IGF2BP1: variants seen among roughly 807,000 people sequenced by gnomAD.
The protein encoded by IGF2BP1 is insulin like growth factor 2 mRNA binding protein 1, also known as insulin-like growth factor 2 mRNA-binding protein 1.
In IGF2BP1, 11 loss-of-function variants were observed where a neutral mutation model predicts 74.9. The ratio of observed to expected loss-of-function variants is 0.15; its 90% CI spans 0.09 to 0.24. IGF2BP1 has a LOEUF of 0.24. Ranked by LOEUF, IGF2BP1 falls within the 10% of genes least tolerant of loss-of-function variation. IGF2BP1 has a pLI of 1.00. For missense variants in IGF2BP1, 440 were observed against 757.4 expected (o/e 0.58, Z 4.92); for synonymous variants, 287 against 281.8 (o/e 1.02, Z -0.18).
At chr17:49,026,353 C>A in intron 3 of IGF2BP1, 113 bp from the exon 4 acceptor site, 1 of 888,674 alleles carries the variant, frequency 1.1e-6, no homozygotes, top group Non-Finnish European at 1.9e-6. Flanking sequence ...TGCTCAAACA[C>A]TCCTATGGCT....
At chr17:49,043,123 C>T (rs561061138) in intron 9 of IGF2BP1, among the ~76,000 whole-genome samples, 61 of 152,252 alleles carry the variant, frequency 4.0e-4, no homozygotes, top group Non-Finnish European at 7.6e-4. Flanking sequence ...ATGGGTCTAT[C>T]GTCTGTCTCC....
chr17:49,025,029 T>G (rs2041834274), intron 2 of IGF2BP1, among the ~76,000 whole-genome samples: 1 of 152,026 alleles, frequency 6.6e-6, no homozygotes, highest in Non-Finnish European at 1.5e-5. Flanking sequence ...CTGTCTCTAC[T>G]GAAAATACAG....
At chr17:49,024,273 A>G (rs1300397399) in intron 2 of IGF2BP1, among the ~76,000 whole-genome samples, 1 of 151,860 alleles carries the variant, frequency 6.6e-6, no homozygotes, top group Non-Finnish European at 1.5e-5. Flanking sequence ...TTACCTGGGC[A>G]TAGTGGCATG....
At chr17:49,022,095 A>G (rs1344597673) in intron 2 of IGF2BP1, among the ~76,000 whole-genome samples, 1 of 152,162 alleles carries the variant, frequency 6.6e-6, no homozygotes, top group Non-Finnish European at 1.5e-5. Flanking sequence ...TTGTTTTATA[A>G]AAGCCTTATT....
At chr17:49,022,508 G>A (rs1392706983) in intron 2 of IGF2BP1, among the ~76,000 whole-genome samples, 1 of 152,120 alleles carries the variant, frequency 6.6e-6, no homozygotes, top group Non-Finnish European at 1.5e-5. Context: ...CCAGGGTGGG[G>A]TGTGTACCCT....
intron 9 of IGF2BP1, among the ~76,000 whole-genome samples, chr17:49,042,763 A>AC (rs1275179024): frequency 1.3e-5 from 2 of 151,670 alleles, no homozygotes; most frequent in Admixed American, 1.3e-4. Flanking sequence ...TGCAGCCTTG[A>AC]CCCCCTGGGC....
intron 2 of IGF2BP1, among the ~76,000 whole-genome samples, chr17:49,011,099 C>G (rs955198012): frequency 7.8e-6 from 1 of 127,704 alleles, no homozygotes; most frequent in African/African-American, 2.9e-5. Flanking sequence ...GATTGTGCCA[C>G]TGCACTCCAG....
chr17:49,013,462 G>A (rs1197350094), intron 2 of IGF2BP1: 1 of 152,502 alleles, frequency 6.6e-6, no homozygotes, highest in African/African-American at 2.4e-5. Context: ...GGTCTCTAAG[G>A]AATGCCGCCT....
At position 49,016,295 on chromosome 17, in the gene IGF2BP1, C is replaced by G. The variant is rs147484655; in HGVS notation, c.237-9323C>G. On this transcript the variant is annotated intron_variant, in intron 2 of 14. Coordinates refer to ENST00000290341, the MANE Select transcript of IGF2BP1 (RefSeq NM_006546.4). ...CTGTGAAATGAGGGTGACTGTTCAGCATCCTCTCAGGCTTCAGAGGCTTAC... is the reference window on the plus strand; with the variant it reads ...CTGTGAAATGAGGGTGACTGTTCAGGATCCTCTCAGGCTTCAGAGGCTTAC... Among the ~76,000 whole-genome samples the G allele has an allele frequency of 2.6e-5, 4 of 152,338 alleles. No individual in the cohort carries two copies. The East Asian group carries it at 7.7e-4, about 29-fold the overall frequency.
chr17:49,015,306 G>T (rs752925461), intron 2 of IGF2BP1, among the ~76,000 whole-genome samples: 11 of 152,194 alleles, frequency 7.2e-5, no homozygotes, highest in Non-Finnish European at 1.5e-4. Context: ...TCTGGAGAGA[G>T]GCTGGCATCT....
rs546144033 is a variant in IGF2BP1 at position 49,034,203 on chromosome 17, G to A, written c.401+2230G>A. Among the ~76,000 whole-genome samples the A allele has an allele frequency of 4.5e-4, 66 of 146,172 alleles. 1 individual carries two copies. In the Middle Eastern group the frequency reaches 0.014, roughly 31 times the overall value. ...CTCTTCACTGCAGCTTCCACCTCCC[G>A]GGTTCAAGTGGTTTTCCTGCCTCAG... On this transcript the variant is annotated intron_variant, in intron 5 of 14. Transcript: ENST00000290341.
In IGF2BP1 at chr17:49,055,890, G is replaced by A. The variant is rs995524439; in HGVS notation, c.*6446G>A. Among the ~76,000 whole-genome samples, 2 of 146,004 alleles carry A rather than the reference G, an allele frequency of 1.4e-5. No individual in the cohort carries two copies. Among genetic ancestry groups the A allele is most frequent in the African/African-American group, 2.6e-5 (1 of 38,788 alleles). On this transcript the variant is annotated 3_prime_UTR_variant, in exon 15 of 15. Transcript: ENST00000290341. ...GAGTGCTAGCTTATTCTGTAATTGC[G>A]GCAACTTTGAAAATTGTATTTTACT... is the stretch of plus-strand genomic sequence containing the variant.
In IGF2BP1 at chr17:49,049,293, C is replaced by T. The variant is rs553688824; in HGVS notation, c.1642-59C>T. The T allele has an allele frequency of 2.5e-4, 360 of 1,453,654 alleles. 7 individuals are homozygous for T. In the South Asian group the frequency reaches 3.8e-3, roughly 15 times the overall value. 90.0% of individuals were successfully genotyped at this position (1,453,654 alleles called of 1,614,324 possible). On this transcript the variant is annotated intron_variant, in intron 14 of 14. Transcript: ENST00000290341. ...TGTCTGGACCTGATGACCTCTCTTCCGTGGAAGGCTGTCTCCTTGGAGGTC... is the reference window on the plus strand; with the variant it reads ...TGTCTGGACCTGATGACCTCTCTTCTGTGGAAGGCTGTCTCCTTGGAGGTC...
At chr17:49,014,749 G>T (rs555813865) in intron 2 of IGF2BP1, 1 of 985,056 alleles carries the variant, frequency 1.0e-6, no homozygotes, top group Non-Finnish European at 1.2e-6. Flanking sequence ...TGCGGGGCTG[G>T]TGCCCAGATG....
chr17:49,049,626 C>T lies in IGF2BP1; in HGVS notation c.*182C>T. On this transcript the variant is annotated 3_prime_UTR_variant, in exon 15 of 15. Transcript: ENST00000290341. ...GGAACCCTGATCTCTCAGCCCCAAACACCCACCCAATTGGCCCAACACTGT... is the reference window on the plus strand; with the variant it reads ...GGAACCCTGATCTCTCAGCCCCAAATACCCACCCAATTGGCCCAACACTGT... 1 of 579,554 alleles carries T rather than the reference C, an allele frequency of 1.7e-6. No homozygotes were observed. The highest frequency in any genetic ancestry group is 2.0e-5 in the South Asian group (1 of 49,872). 35.9% of individuals were successfully genotyped at this position (579,554 alleles called of 1,614,324 possible). A position where few individuals can be genotyped will look rare whatever the true frequency, so the allele number is the denominator to read the frequency against.
At chr17:49,008,031 G>T (rs1057309559) in intron 2 of IGF2BP1, among the ~76,000 whole-genome samples, 8 of 152,130 alleles carry the variant, frequency 5.3e-5, no homozygotes, top group African/African-American at 1.9e-4. Context: ...AATTAGCTAG[G>T]CATGGTGGCT....
At chr17:49,026,414 C>A in intron 3 of IGF2BP1, 52 bp from the exon 4 acceptor site, 1 of 1,559,086 alleles carries the variant, frequency 6.4e-7, no homozygotes, top group Non-Finnish European at 8.8e-7. Context: ...GGCTGCTTTG[C>A]AAGGGTCTTG....
chr17:49,036,054 C>T (rs1267898805), intron 5 of IGF2BP1, among the ~76,000 whole-genome samples: 1 of 151,202 alleles, frequency 6.6e-6, no homozygotes. Context: ...ACGGTGACCG[C>T]ATTTCCCAGC....
intron 2 of IGF2BP1, among the ~76,000 whole-genome samples, chr17:49,004,014 G>A (rs945375914): frequency 6.6e-6 from 1 of 152,116 alleles, no homozygotes; most frequent in Non-Finnish European, 1.5e-5. Context: ...CGGCGCTGCA[G>A]GCTCTTCCTG....
Sources: allele counts gnomAD v4.1 joint callset (sites outside exome capture counted in the v4.1 genomes callset), GRCh38; gene constraint gnomAD v4.1.1; transcripts MANE v1.5; gene names NCBI Gene and HGNC (gene_info 2026-07-23, HGNC 2026-07-21).